The following BOC variants were observed in gnomAD, a reference collection of about 807,000 sequenced individuals.
BOC encodes brother of CDO.
In BOC, 76 loss-of-function variants were observed where a neutral mutation model predicts 112.0. That is an observed-to-expected ratio of 0.68 (90% confidence interval 0.56 to 0.82). BOC has a LOEUF of 0.82. BOC is among the 40% of genes least tolerant of loss of function. The pLI, the probability that BOC is intolerant of heterozygous loss-of-function variation, is 0.00. For synonymous variants in BOC, 580 were observed against 599.8 expected (o/e 0.97, Z 0.48); for missense variants, 1,309 against 1,511.7 (o/e 0.87, Z 2.22).
rs775248501 is a variant in BOC, at chr3:113,284,560, T to G, written c.2882T>G (p.Leu961Arg). ...MKPQQHCPGE[L>R]QQQSDTSSLL... Reference sequence around the variant, plus strand: ...CCCCAGCAGCACTGCCCAGGCGAGCTTCAGCAGGTAGCGCATTCTTGGGTG... The same window carrying G: ...CCCCAGCAGCACTGCCCAGGCGAGCGTCAGCAGGTAGCGCATTCTTGGGTG... Residue 961 changes from leucine to arginine, a missense_variant, in exon 17 of 20, where the codon CTT becomes CGT. By Grantham distance (102) the Leu-to-Arg change is moderately radical. Coordinates refer to ENST00000682979, the MANE Select transcript of BOC (RefSeq NM_001378074.1). 2 of 1,612,068 alleles carry G rather than the reference T, an allele frequency of 1.2e-6. No homozygotes were observed. Among genetic ancestry groups the G allele is most frequent in the Admixed American group, 3.4e-5 (2 of 59,684 alleles).
chr3:113,212,513 CTT>C lies in BOC; in HGVS notation c.-170+499_-170+500del, dbSNP rs1309776085. 2.6e-5 allele frequency: 4 copies of C among 152,362 alleles called. No homozygotes were observed. The East Asian group carries it at 5.8e-4, about 22-fold the overall frequency. 9.4% of individuals were successfully genotyped at this position (152,362 alleles called of 1,614,324 possible). A position where few individuals can be genotyped will look rare whatever the true frequency, so the allele number is the denominator to read the frequency against. ...GAGTCACTCAACACGCACTCGGCCT[CTT>C]TGGAGGGTGAGGGTTTCTCATAGTT... On this transcript the variant is annotated intron_variant, in intron 1 of 19. Coordinates refer to ENST00000682979, the MANE Select transcript of BOC (RefSeq NM_001378074.1).
chr3:113,238,676 G>T (rs1410709957), intron 2 of BOC, among the ~76,000 whole-genome samples: 2 of 152,220 alleles, frequency 1.3e-5, no homozygotes, highest in African/African-American at 2.4e-5. Context: ...GGCAGACCTG[G>T]TTCAAATCCT....
Position 113,272,689 on chromosome 3 carries a change from ATGTCCAGG to A in BOC, c.951_958del (p.Gln318Ter). 2 of 1,613,042 alleles carry A rather than the reference ATGTCCAGG, an allele frequency of 1.2e-6. No homozygotes were observed. Among genetic ancestry groups the A allele is most frequent in the Non-Finnish European group, 1.7e-6 (2 of 1,179,754 alleles). On this transcript the variant is annotated frameshift_variant, in exon 7 of 20. Transcript: ENST00000682979. LOFTEE classifies it high-confidence loss of function. Reference sequence around the variant, plus strand: ...CCCGGGGCAGCGGTCATCCTCTACAATGTCCAGGTGTTTGGTGAGTGTCTGCTGTGGAC... The same window carrying A: ...CCCGGGGCAGCGGTCATCCTCTACAATGTTTGGTGAGTGTCTGCTGTGGAC...
chr3:113,234,600 C>A (rs1031720241), intron 2 of BOC, among the ~76,000 whole-genome samples: 1 of 152,170 alleles, frequency 6.6e-6, no homozygotes, highest in African/African-American at 2.4e-5. Flanking sequence ...GGAGGCTGTG[C>A]CTTGTTTTCC....
In BOC at chr3:113,271,255, G is replaced by A. The variant is rs139827369; in HGVS notation, c.667+311G>A. 323 of 544,846 alleles carry A rather than the reference G, an allele frequency of 5.9e-4. 1 individual carries two copies. The highest frequency in any genetic ancestry group is 3.6e-3 in the African/African-American group (190 of 53,436). The allele number at this position is 544,846 out of a possible 1,614,324, so 33.8% of individuals were successfully genotyped here. ...AATGTGTGTGCTGGGACAGGACGGT[G>A]GGTCTTGTCTCAAGCTCAGCAGCGG... On this transcript the variant is annotated intron_variant, in intron 6 of 19. Coordinates refer to ENST00000682979, the MANE Select transcript of BOC (RefSeq NM_001378074.1).
intron 2 of BOC, among the ~76,000 whole-genome samples, chr3:113,229,628 CA>C (rs1443916843): frequency 6.6e-6 from 1 of 152,186 alleles, no homozygotes; most frequent in East Asian, 1.9e-4. Context: ...TCTGAAAATC[CA>C]GAAAATATCT....
At position 113,279,292 on chromosome 3, in the gene BOC, G is replaced by C; in HGVS notation, c.1860G>C (p.Glu620Asp). The change falls in exon 12 of 20, where the codon GAG (glutamate) becomes GAC (aspartate). Residue 620 changes from glutamate (E) to aspartate (D), a missense_variant. Physicochemically the swap from Glu to Asp is conservative, Grantham distance 45. Transcript: ENST00000682979. ...PDRPTISTAS[E>D]TSVYVTWIPR... ...GGCCCACCATCTCCACGGCCTCCGAGACCTCAGTGTACGTGACCTGGATTC... is the reference window on the plus strand; with the variant it reads ...GGCCCACCATCTCCACGGCCTCCGACACCTCAGTGTACGTGACCTGGATTC... 2 of 1,614,156 alleles carry C rather than the reference G, an allele frequency of 1.2e-6. No individual in the cohort carries two copies. Among genetic ancestry groups the C allele is most frequent in the Non-Finnish European group, 8.5e-7 (1 of 1,180,020 alleles).
chr3:113,264,957 T>C (rs1303243874), intron 4 of BOC, among the ~76,000 whole-genome samples: 1 of 152,194 alleles, frequency 6.6e-6, no homozygotes, highest in Non-Finnish European at 1.5e-5. Context: ...CGGTCCTGCC[T>C]GCACAGGCTG....
At position 113,236,228 on chromosome 3, in the gene BOC, ATGTGTGTGTGTG is replaced by A. The variant is rs765387902; in HGVS notation, c.-81-13466_-81-13455del. On this transcript the variant is annotated intron_variant, in intron 2 of 19. Coordinates refer to ENST00000682979, the MANE Select transcript of BOC (RefSeq NM_001378074.1). ...TATATATATACGTGTATATACGTAT[ATGTGTGTGTGTG>A]TGTGTGTGTGTGTGTGTGTGTGTGT... 1.8e-3 allele frequency among the ~76,000 whole-genome samples: 140 copies of A among 78,068 alleles called. 1 individual carries two copies. Among genetic ancestry groups the A allele is most frequent in the African/African-American group, 6.7e-3 (133 of 19,940 alleles). The allele number at this position is 78,068 out of a possible 152,430, so 51.2% of individuals were successfully genotyped here.
Position 113,285,002 on chromosome 3 carries a change from C to A in BOC, c.2966+144C>A, listed in dbSNP as rs942848620. ...TGACTGACAATCATGCTCCTCTGAA[C>A]CATTGCCCTAATAGGCAGTTGTTGC... On this transcript the variant is annotated intron_variant, in intron 18 of 19. Coordinates refer to ENST00000682979, the MANE Select transcript of BOC (RefSeq NM_001378074.1). The A allele has an allele frequency of 4.1e-6, 3 of 727,224 alleles. No homozygotes were observed. In the African/African-American group the frequency reaches 5.3e-5, roughly 13 times the overall value. 45.0% of individuals were successfully genotyped at this position (727,224 alleles called of 1,614,324 possible).
Position 113,281,041 on chromosome 3 carries a change from C to T in BOC, c.2322C>T (p.Tyr774=). Reference sequence around the variant, plus strand: ...GACTCTGTTTCCCAGGGGACAAGTACTGGCACTCCATCAGCCACCTGCAGC... The same window carrying T: ...GACTCTGTTTCCCAGGGGACAAGTATTGGCACTCCATCAGCCACCTGCAGC... The part of the protein sequence containing the change: ...YKKDMVEGDK[Y]WHSISHLQPE... The change falls in exon 15 of 20, where the codon TAC becomes TAT. Residue 774 remains tyrosine (Y), a synonymous_variant. Coordinates refer to ENST00000682979, the MANE Select transcript of BOC (RefSeq NM_001378074.1). The T allele has an allele frequency of 6.2e-7, 1 of 1,614,044 alleles. No homozygotes were observed. Among genetic ancestry groups the T allele is most frequent in the Non-Finnish European group, 8.5e-7 (1 of 1,180,010 alleles).
At chr3:113,277,026 T>C (rs1352018516) in intron 9 of BOC, among the ~76,000 whole-genome samples, 1 of 152,246 alleles carries the variant, frequency 6.6e-6, no homozygotes, top group Non-Finnish European at 1.5e-5. Context: ...TTGGGGAGCC[T>C]GGAGCTCCCT....
chr3:113,265,341 G>A (rs1336496593), intron 4 of BOC, among the ~76,000 whole-genome samples: 2 of 151,972 alleles, frequency 1.3e-5, no homozygotes, highest in Non-Finnish European at 2.9e-5. Flanking sequence ...TTGGAATGAG[G>A]TGAAGAAAAG....
At chr3:113,257,256 T>G (rs1430177441) in intron 4 of BOC, among the ~76,000 whole-genome samples, 2 of 152,206 alleles carry the variant, frequency 1.3e-5, no homozygotes, top group Non-Finnish European at 2.9e-5. Context: ...TATGGAGCCA[T>G]GAGCTCCATT....
In BOC at chr3:113,286,823, G is replaced by A. The variant is rs1269802237; in HGVS notation, c.3309G>A (p.Leu1103=). 1 of 1,606,774 alleles carries A rather than the reference G, an allele frequency of 6.2e-7. No homozygotes were observed. The highest frequency in any genetic ancestry group is 1.7e-5 in the Admixed American group (1 of 58,686). ...GAATGCAGCTCTCCCCGGGGCCACT[G>A]GTGCGTGTGTCTTTTGAAACACCAC... ...EPGMQLSPGP[L]VRVSFETPPL... is the part of the protein sequence containing the mutation. The change falls in exon 20 of 20, where the codon CTG becomes CTA. Residue 1103 remains leucine (L), a synonymous_variant. Coordinates refer to ENST00000682979, the MANE Select transcript of BOC (RefSeq NM_001378074.1).
intron 4 of BOC, chr3:113,251,604 G>A (rs1464812879): frequency 6.6e-6 from 1 of 151,898 alleles, no homozygotes; most frequent in Non-Finnish European, 1.5e-5. Context: ...TTGTGATATA[G>A]AAATTGTGTT....
chr3:113,281,813 A>G (rs149672676), intron 15 of BOC, among the ~76,000 whole-genome samples: 2 of 152,350 alleles, frequency 1.3e-5, no homozygotes, highest in East Asian at 1.9e-4. Flanking sequence ...TCTCTCATCA[A>G]GGCAATGGCA....
chr3:113,216,041 G>GA, intron 1 of BOC, 146 bp from the exon 2 acceptor site: 1 of 281,798 alleles, frequency 3.5e-6, no homozygotes, highest in South Asian at 3.3e-5. Context: ...TATGGTCTTA[G>GA]AAAAATCGCT....
At chr3:113,284,749 C>T (rs774350234) in intron 17 of BOC, 33 bp from the exon 18 acceptor site, 6 of 1,600,926 alleles carry the variant, frequency 3.7e-6, no homozygotes, top group East Asian at 2.2e-5. Context: ...GACTCCCCGG[C>T]GTGGCCGTCT....
Sources: gnomAD v4.1 joint callset for allele counts (sites outside exome capture counted in the v4.1 genomes callset) on GRCh38, gnomAD v4.1.1 for gene constraint, MANE v1.5 for transcripts, NCBI Gene and HGNC (gene_info 2026-07-23, HGNC 2026-07-21) for gene names.